DIAPH3: variants seen among roughly 807,000 people sequenced by gnomAD.
The protein encoded by DIAPH3 is diaphanous related formin 3.
DIAPH3 carries 117 observed loss-of-function variants against 144.3 expected under a neutral mutation model. The observed-to-expected ratio is 0.81, with a 90% CI of 0.70 to 0.95. The LOEUF (loss-of-function observed/expected upper bound fraction) is 0.95, where lower values mean the gene tolerates loss of function less well. DIAPH3 is among the 40% of genes least tolerant of loss of function. The pLI is 0.00. For synonymous variants in DIAPH3, 519 were observed against 488.9 expected, an observed-to-expected ratio of 1.06 and a Z score of -0.81; for missense variants, 1,421 against 1,412.7, an observed-to-expected ratio of 1.01 and a Z score of -0.09.
At chr13:60,032,308 T>C (rs1448140419) in intron 5 of DIAPH3, among the ~76,000 whole-genome samples, 2 of 152,210 alleles carry the variant, frequency 1.3e-5, no homozygotes, top group Non-Finnish European at 2.9e-5. Flanking sequence ...GGGGACTCTG[T>C]AAGTGGTCCA....
intron 9 of DIAPH3, among the ~76,000 whole-genome samples, chr13:59,997,568 T>C (rs1254347617): frequency 1.3e-5 from 2 of 152,070 alleles, no homozygotes; most frequent in South Asian, 2.1e-4. Context: ...TACTCGGTAA[T>C]GAGACTGTTT....
At chr13:59,982,874 A>C (rs374434243) in intron 13 of DIAPH3, among the ~76,000 whole-genome samples, 1 of 151,614 alleles carries the variant, frequency 6.6e-6, no homozygotes, top group African/African-American at 2.4e-5. Context: ...TATCACAATG[A>C]ATAATCAGAT....
intron 14 of DIAPH3, among the ~76,000 whole-genome samples, chr13:59,978,814 T>C (rs141154807): frequency 6.6e-6 from 1 of 151,672 alleles, no homozygotes; most frequent in African/African-American, 2.4e-5. Flanking sequence ...TGCAAAAAAA[T>C]GTTGAAAGAC....
intron 14 of DIAPH3, 55 bp downstream of exon 14, chr13:59,980,740 G>T: frequency 6.8e-7 from 1 of 1,460,754 alleles, no homozygotes; most frequent in Non-Finnish European, 9.6e-7. Flanking sequence ...TGAGGCAGAA[G>T]CATGCCTGCA....
At chr13:59,823,636 A>T (rs533849829) in intron 24 of DIAPH3, among the ~76,000 whole-genome samples, 1 of 152,252 alleles carries the variant, frequency 6.6e-6, no homozygotes, top group Admixed American at 6.5e-5. Flanking sequence ...AACACATATA[A>T]TGAGTCAATC....
intron 24 of DIAPH3, among the ~76,000 whole-genome samples, chr13:59,818,900 C>G (rs888949205): frequency 1.3e-5 from 2 of 151,806 alleles, no homozygotes; most frequent in African/African-American, 4.8e-5. Flanking sequence ...AAAACTGCTC[C>G]TTTTTAGTAT....
intron 3 of DIAPH3, among the ~76,000 whole-genome samples, chr13:60,110,465 C>G (rs1268287567): frequency 6.6e-6 from 1 of 152,094 alleles, no homozygotes; most frequent in Non-Finnish European, 1.5e-5. Context: ...AAATATGGTA[C>G]CCTGAGAAGT....
chr13:60,013,153 C>T (rs1330023165), intron 7 of DIAPH3: 10 of 985,344 alleles, frequency 1.0e-5, no homozygotes, highest in Non-Finnish European at 1.2e-5. Flanking sequence ...GTCAAGGACC[C>T]ACTCCGGACA....
chr13:60,126,925 G>C (rs1295163728), intron 2 of DIAPH3, among the ~76,000 whole-genome samples: 1 of 151,530 alleles, frequency 6.6e-6, no homozygotes, highest in Non-Finnish European at 1.5e-5. Context: ...GCAAACAAAG[G>C]TATTAAATCA....
intron 1 of DIAPH3, among the ~76,000 whole-genome samples, chr13:60,136,867 G>C (rs2059294005): frequency 6.6e-6 from 1 of 152,076 alleles, no homozygotes; most frequent in East Asian, 1.9e-4. Flanking sequence ...GTGAACCCGG[G>C]AGGCGGAGCT....
chr13:59,720,571 T>C (rs891990232), intron 27 of DIAPH3, among the ~76,000 whole-genome samples: 1 of 152,182 alleles, frequency 6.6e-6, no homozygotes, highest in East Asian at 1.9e-4. Context: ...CCTTTGCAAC[T>C]AGAACATCCA....
At chr13:60,046,444 A>C (rs957513655) in intron 4 of DIAPH3, among the ~76,000 whole-genome samples, 10 of 152,200 alleles carry the variant, frequency 6.6e-5, no homozygotes, top group Admixed American at 1.3e-4. Context: ...CGCCAGTTAC[A>C]ATGGCGATCA....
intron 9 of DIAPH3, among the ~76,000 whole-genome samples, chr13:60,000,779 C>T (rs1049153284): frequency 6.6e-6 from 1 of 152,276 alleles, no homozygotes; most frequent in Middle Eastern, 3.4e-3. Context: ...CCTCTCTGGA[C>T]TCAGAAACTT....
At chr13:60,044,338 A>G (rs2055910602) in intron 4 of DIAPH3, 2 of 152,208 alleles carry the variant, frequency 1.3e-5, no homozygotes, top group Non-Finnish European at 2.9e-5. Context: ...CAATAAAGCA[A>G]AACAAATTAG....
At chr13:60,029,561 T>G (rs1162069475) in intron 5 of DIAPH3, among the ~76,000 whole-genome samples, 1 of 152,176 alleles carries the variant, frequency 6.6e-6, no homozygotes, top group Non-Finnish European at 1.5e-5. Context: ...TCTGATGGCT[T>G]TATAAGGGGA....
chr13:60,163,912 C>T lies in DIAPH3; in HGVS notation c.-146G>A. 11 of 1,042,722 alleles carry T rather than the reference C, an allele frequency of 1.1e-5. No individual in the cohort carries two copies. The highest frequency in any genetic ancestry group is 1.5e-5 in the Non-Finnish European group (11 of 740,540). 64.6% of individuals were successfully genotyped at this position (1,042,722 alleles called of 1,614,324 possible). ...CCTAGCCCAACCGCTGAAGTCGGGG[C>T]CGCAGCCAACACATCTGAAAACTCC... On this transcript the variant is annotated 5_prime_UTR_variant, in exon 1 of 28. Coordinates refer to ENST00000400324, the MANE Select transcript of DIAPH3 (RefSeq NM_001042517.2).
At chr13:59,743,327 CTT>C (rs1189864589) in intron 27 of DIAPH3, among the ~76,000 whole-genome samples, 2 of 152,106 alleles carry the variant, frequency 1.3e-5, no homozygotes, top group African/African-American at 2.4e-5. Flanking sequence ...CTTGAGCAAC[CTT>C]AAGGAGATAG....
intron 25 of DIAPH3, among the ~76,000 whole-genome samples, chr13:59,793,094 TTGA>T (rs950902274): frequency 1.3e-5 from 2 of 152,162 alleles, no homozygotes; most frequent in African/African-American, 4.8e-5. Context: ...CAGGAACCAC[TTGA>T]TGAAAGCTTC....
At chr13:60,063,450 T>C (rs1416696520) in intron 4 of DIAPH3, among the ~76,000 whole-genome samples, 1 of 152,138 alleles carries the variant, frequency 6.6e-6, no homozygotes, top group East Asian at 1.9e-4. Context: ...CCCCCATGAA[T>C]CACAAATGTT....
Sources: allele counts gnomAD v4.1 joint callset (sites outside exome capture counted in the v4.1 genomes callset), GRCh38; gene constraint gnomAD v4.1.1; transcripts MANE v1.5; gene names NCBI Gene and HGNC (gene_info 2026-07-23, HGNC 2026-07-21).